CPXM2: variants seen among roughly 807,000 people sequenced by gnomAD.
CPXM2 encodes carboxypeptidase X, M14 family member 2, also known as inactive carboxypeptidase-like protein X2.
CPXM2 carries 66 observed loss-of-function variants against 86.1 expected under a neutral mutation model. The ratio of observed to expected loss-of-function variants is 0.77; its 90% CI spans 0.63 to 0.94. The LOEUF is 0.94. Among genes scored for constraint, CPXM2 ranks in the 40% least tolerant of loss-of-function variants. The pLI is 0.00. For missense variants in CPXM2, 948 were observed against 1,026.3 expected (o/e 0.92, Z 1.04); for synonymous variants, 388 against 400.2 (o/e 0.97, Z 0.36).
Position 123,880,200 on chromosome 10 carries a change from G to C in CPXM2, c.403+11C>G. On this transcript the variant is annotated intron_variant, in intron 2 of 13. Transcript: ENST00000241305. ...GGACTGGTGTAGGGGCTCTCCGAGA[G>C]CCTCACTTACTCTCTCTGACATCTT... The C allele has an allele frequency of 8.4e-7, 1 of 1,197,414 alleles. No individual in the cohort carries two copies. The highest frequency in any genetic ancestry group is 1.2e-6 in the Non-Finnish European group (1 of 819,968). The allele number at this position is 1,197,414 out of a possible 1,614,324, so 74.2% of individuals were successfully genotyped here. A position where few individuals can be genotyped will look rare whatever the true frequency, so the allele number is the denominator to read the frequency against.
intron 6 of CPXM2, among the ~76,000 whole-genome samples, chr10:123,792,509 C>T (rs1357339026): frequency 6.6e-6 from 1 of 152,130 alleles, no homozygotes; most frequent in Non-Finnish European, 1.5e-5. Context: ...ACCACCCTAA[C>T]CCAGAAGCCC....
chr10:123,789,832 G>T (rs1163500420), intron 6 of CPXM2, among the ~76,000 whole-genome samples: 3 of 152,100 alleles, frequency 2.0e-5, no homozygotes. Flanking sequence ...AAAGAGAGCA[G>T]GGGTGGCCGG....
upstream of CPXM2, among the ~76,000 whole-genome samples, chr10:123,942,195 T>C (rs895366358): frequency 5.9e-5 from 9 of 152,198 alleles, no homozygotes; most frequent in African/African-American, 2.2e-4. Context: ...TTTGGATCTA[T>C]AGTCATGCAC....
chr10:123,901,312 ACTAGCTCCAGTTGTAAATCACAT>A (rs1160584950), intron 2 of CPXM2, among the ~76,000 whole-genome samples: 2 of 152,176 alleles, frequency 1.3e-5, no homozygotes, highest in African/African-American at 4.8e-5. Context: ...GGCTTCACTG[ACTAGCTCCAGTTGTAAATCACAT>A]GCTGAGACCC....
chr10:123,917,066 C>T (rs747321043), intron 2 of CPXM2, among the ~76,000 whole-genome samples: 2 of 152,074 alleles, frequency 1.3e-5, no homozygotes, highest in African/African-American at 2.4e-5. Context: ...AAGGCCGGAC[C>T]TAGTGTTTCT....
intron 7 of CPXM2, among the ~76,000 whole-genome samples, chr10:123,772,091 A>G (rs1467396510): frequency 1.3e-5 from 2 of 152,042 alleles, no homozygotes; most frequent in African/African-American, 4.8e-5. Context: ...CTCCCTGGTT[A>G]TGGTGACATC....
At chr10:123,757,110 G>A (rs967123582) in intron 12 of CPXM2, 103 bp downstream of exon 12, 28 of 1,093,962 alleles carry the variant, frequency 2.6e-5, no homozygotes, top group South Asian at 9.8e-5. Flanking sequence ...CCAGGATGAC[G>A]GCCAAGGTCT....
chr10:123,832,227 C>A (rs1848181897), intron 4 of CPXM2, among the ~76,000 whole-genome samples: 1 of 152,172 alleles, frequency 6.6e-6, no homozygotes, highest in Non-Finnish European at 1.5e-5. Context: ...CCAGGAACTG[C>A]ATCTCCTGCA....
intron 4 of CPXM2, among the ~76,000 whole-genome samples, chr10:123,824,434 G>A (rs141539017): frequency 3.6e-4 from 55 of 152,290 alleles, no homozygotes; most frequent in African/African-American, 1.3e-3. Context: ...CTGGATTGAA[G>A]CTAACACAGC....
intron 6 of CPXM2, among the ~76,000 whole-genome samples, chr10:123,797,606 G>C (rs4364996): frequency 1.3e-5 from 2 of 151,484 alleles, no homozygotes; most frequent in Non-Finnish European, 2.9e-5. Context: ...TTGAGACAGG[G>C]TGGAGTGTAG....
intron 2 of CPXM2, chr10:123,914,020 G>A (rs1945513606): frequency 2.0e-6 from 1 of 496,802 alleles, no homozygotes; most frequent in Non-Finnish European, 4.0e-6. Context: ...TGGGGTTTCA[G>A]AATCCAACCT....
At chr10:123,803,012 A>G (rs565469368) in intron 4 of CPXM2, among the ~76,000 whole-genome samples, 2 of 149,294 alleles carry the variant, frequency 1.3e-5, no homozygotes, top group African/African-American at 4.9e-5. Flanking sequence ...TCTTTCTCAC[A>G]TTGATTTATA....
chr10:123,902,012 C>G (rs1945387036), intron 2 of CPXM2, among the ~76,000 whole-genome samples: 1 of 152,182 alleles, frequency 6.6e-6, no homozygotes, highest in African/African-American at 2.4e-5. Context: ...TGCAGAGTAT[C>G]CCACTGAAGT....
At chr10:123,881,660 G>T (rs1244469384) in intron 1 of CPXM2, among the ~76,000 whole-genome samples, 1 of 152,154 alleles carries the variant, frequency 6.6e-6, no homozygotes, top group South Asian at 2.1e-4. Context: ...GCCTTCCAAG[G>T]GTTCTTCTGC....
At chr10:123,869,976 T>G (rs1416480347) in intron 2 of CPXM2, among the ~76,000 whole-genome samples, 1 of 152,042 alleles carries the variant, frequency 6.6e-6, no homozygotes, top group South Asian at 2.1e-4. Context: ...GTATCCCAAA[T>G]CTGTCCAGGG....
chr10:123,822,400 C>T (rs1056311276), intron 4 of CPXM2, among the ~76,000 whole-genome samples: 19 of 152,088 alleles, frequency 1.2e-4, no homozygotes, highest in African/African-American at 3.9e-4. Flanking sequence ...CCAAAGCAAA[C>T]CTAGAGGCTA....
chr10:123,796,490 T>C (rs1413245905), intron 6 of CPXM2, among the ~76,000 whole-genome samples: 1 of 152,022 alleles, frequency 6.6e-6, no homozygotes, highest in Non-Finnish European at 1.5e-5. Context: ...TACACATAAA[T>C]ATAAAACACA....
chr10:123,942,694 T>C (rs1945788459), upstream of CPXM2, among the ~76,000 whole-genome samples: 1 of 152,200 alleles, frequency 6.6e-6, no homozygotes, highest in Non-Finnish European at 1.5e-5. Context: ...ATTGTAAAAA[T>C]AGCCAGCCAG....
rs1429183146 is a variant in CPXM2, at chr10:123,862,722, ACC to A, written c.404-1_404del. 5.2e-6 allele frequency: 8 copies of A among 1,524,430 alleles called. No homozygotes were observed. The highest frequency in any genetic ancestry group is 6.1e-6 in the Non-Finnish European group (7 of 1,145,318). 94.4% of individuals were successfully genotyped at this position (1,524,430 alleles called of 1,614,324 possible). On this transcript the variant is annotated splice_acceptor_variant and coding_sequence_variant, in exon 3 of 14. Transcript: ENST00000241305. LOFTEE classifies it high-confidence loss of function. ...AGGTTTCCAGACCAAGAGGTGGGCAACCTGGAAAGGACAAATGCTTGTTAAAA... is the reference window on the plus strand; with the variant it reads ...AGGTTTCCAGACCAAGAGGTGGGCAATGGAAAGGACAAATGCTTGTTAAAA...
Sources: gnomAD v4.1 joint callset for allele counts (sites outside exome capture counted in the v4.1 genomes callset) on GRCh38, gnomAD v4.1.1 for gene constraint, MANE v1.5 for transcripts, NCBI Gene and HGNC (gene_info 2026-07-23, HGNC 2026-07-21) for gene names.